FOXP1: variants seen among roughly 807,000 people sequenced by gnomAD.
FOXP1 encodes the protein forkhead box protein P1.
Under a neutral mutation model 98.2 loss-of-function variants are expected in FOXP1, and 15 were observed. The observed-to-expected ratio is 0.15, with a 90% confidence interval of 0.10 to 0.24. The LOEUF (loss-of-function observed/expected upper bound fraction) is 0.24, where lower values mean the gene tolerates loss of function less well. FOXP1 is among the 10% of genes least tolerant of loss of function. The pLI, the probability that FOXP1 is intolerant of heterozygous loss-of-function variation, is 1.00. For synonymous variants in FOXP1, 371 were observed against 314.5 expected, an observed-to-expected ratio of 1.18 and a Z score of -1.90; for missense variants, 633 against 848.5, an observed-to-expected ratio of 0.75 and a Z score of 3.15.
chr3:71,192,670 G>T (rs964021757), intron 6 of FOXP1, among the ~76,000 whole-genome samples: 12 of 152,178 alleles, frequency 7.9e-5, no homozygotes, highest in African/African-American at 2.4e-4. Flanking sequence ...CTTGAAACAG[G>T]GTCTCAATCT....
chr3:71,251,324 G>C (rs1466259809), intron 5 of FOXP1, among the ~76,000 whole-genome samples: 1 of 152,134 alleles, frequency 6.6e-6, no homozygotes, highest in East Asian at 1.9e-4. Context: ...AAGCAGTCAC[G>C]TGCCTCCATC....
At position 71,397,101 on chromosome 3, in the gene FOXP1, C is replaced by T. The variant is rs199615138; in HGVS notation, c.-167-37857G>A. Among the ~76,000 whole-genome samples, 70 of 48,638 alleles carry T rather than the reference C, an allele frequency of 1.4e-3. 2 individuals are homozygous for T. The highest frequency in any genetic ancestry group is 3.4e-3 in the African/African-American group (40 of 11,916). 31.9% of individuals were successfully genotyped at this position (48,638 alleles called of 152,430 possible). On this transcript the variant is annotated intron_variant, in intron 3 of 20. Coordinates refer to ENST00000649528, the MANE Select transcript of FOXP1 (RefSeq NM_001349338.3). ...ATATATATGTGTATATATATATATA[C>T]ATATATATATATGTGTATATATACA...
At chr3:71,063,181 AT>A (rs1371607794) in intron 7 of FOXP1, among the ~76,000 whole-genome samples, 4 of 152,200 alleles carry the variant, frequency 2.6e-5, no homozygotes, top group African/African-American at 9.6e-5. Flanking sequence ...TTTTGGTTTC[AT>A]TTTTACACAC....
chr3:71,098,046 G>T (rs2056626662), intron 7 of FOXP1, among the ~76,000 whole-genome samples: 1 of 152,124 alleles, frequency 6.6e-6, no homozygotes, highest in South Asian at 2.1e-4. Context: ...TTTGTGCAAA[G>T]GACAATTTGA....
At chr3:71,282,131 G>A (rs141315734) in intron 5 of FOXP1, among the ~76,000 whole-genome samples, 14 of 152,094 alleles carry the variant, frequency 9.2e-5, no homozygotes, top group African/African-American at 3.1e-4. Flanking sequence ...AAAGCTAAGT[G>A]AAGATAAGCC....
intron 2 of FOXP1, among the ~76,000 whole-genome samples, chr3:71,517,808 G>A (rs966822344): frequency 5.6e-4 from 86 of 152,240 alleles, no homozygotes; most frequent in Middle Eastern, 6.8e-3. Context: ...AAACAAACTC[G>A]CTGGACTACT....
chr3:71,542,350 A>C (rs2044912846), intron 2 of FOXP1, among the ~76,000 whole-genome samples: 1 of 152,278 alleles, frequency 6.6e-6, no homozygotes, highest in Non-Finnish European at 1.5e-5. Flanking sequence ...AACAAGAAAC[A>C]AACCACAATA....
chr3:71,294,969 A>G (rs2073138387), intron 5 of FOXP1, among the ~76,000 whole-genome samples: 1 of 152,228 alleles, frequency 6.6e-6, no homozygotes, highest in Non-Finnish European at 1.5e-5. Flanking sequence ...CAGACAAGCT[A>G]CATTGGTCTG....
Position 71,076,723 on chromosome 3 carries a change from T to G in FOXP1, c.283-22950A>C, listed in dbSNP as rs2053843582. On this transcript the variant is annotated intron_variant, in intron 7 of 20. Transcript: ENST00000649528. Reference sequence around the variant, plus strand: ...ATTTACTTATCTCTTCCTCTTCTCCTTCTTCCTGTTTTGAGCATGGTCTCT... The same window carrying G: ...ATTTACTTATCTCTTCCTCTTCTCCGTCTTCCTGTTTTGAGCATGGTCTCT... Among the ~76,000 whole-genome samples, 2 of 152,258 alleles carry G rather than the reference T, an allele frequency of 1.3e-5. 1 individual carries two copies. Among genetic ancestry groups the G allele is most frequent in the Admixed American group, 1.3e-4 (2 of 15,286 alleles).
At chr3:71,200,891 A>G (rs2063632156) in intron 5 of FOXP1, among the ~76,000 whole-genome samples, 1 of 152,196 alleles carries the variant, frequency 6.6e-6, no homozygotes, top group South Asian at 2.1e-4. Context: ...AGAAAAATTC[A>G]CATGTTTCTT....
chr3:71,392,664 CT>C (rs1299331061), intron 3 of FOXP1, among the ~76,000 whole-genome samples: 2 of 152,200 alleles, frequency 1.3e-5, no homozygotes, highest in Non-Finnish European at 2.9e-5. Context: ...TCATGGGCAT[CT>C]ATATCGTGCT....
intron 4 of FOXP1, among the ~76,000 whole-genome samples, chr3:71,316,401 C>G (rs1389889688): frequency 1.3e-5 from 2 of 152,128 alleles, no homozygotes; most frequent in Non-Finnish European, 2.9e-5. Flanking sequence ...GTGAACTATT[C>G]TAACCATCAC....
intron 2 of FOXP1, among the ~76,000 whole-genome samples, chr3:71,544,406 A>G (rs1163858272): frequency 1.3e-5 from 2 of 151,564 alleles, no homozygotes; most frequent in Admixed American, 6.6e-5. Context: ...AATTTGGAAC[A>G]AAAAAAAGGA....
At chr3:71,136,859 C>T (rs11714789) in intron 6 of FOXP1, among the ~76,000 whole-genome samples, 146,063 of 152,218 alleles carry the variant, frequency 0.96, 70,215 homozygotes, top group Non-Finnish European at 0.99. Flanking sequence ...TATATATGTA[C>T]ATGGCTATCT....
chr3:71,425,887 G>C (rs1056575525), intron 3 of FOXP1, among the ~76,000 whole-genome samples: 3 of 152,018 alleles, frequency 2.0e-5, no homozygotes, highest in Admixed American at 2.0e-4. Context: ...AAATTTCCAG[G>C]ATCCCAACCA....
At chr3:71,436,412 T>C (rs1247781111) in intron 3 of FOXP1, among the ~76,000 whole-genome samples, 2 of 151,934 alleles carry the variant, frequency 1.3e-5, no homozygotes, top group African/African-American at 2.4e-5. Flanking sequence ...GTCTGAGGAG[T>C]GTGGGGAATG....
chr3:71,166,125 C>G (rs967100599), intron 6 of FOXP1, among the ~76,000 whole-genome samples: 15 of 152,292 alleles, frequency 9.8e-5, no homozygotes, highest in Admixed American at 5.2e-4. Flanking sequence ...CAATACTTAG[C>G]GCCTCCTTGG....
chr3:71,150,153 A>G (rs2060498545), intron 6 of FOXP1, among the ~76,000 whole-genome samples: 1 of 152,172 alleles, frequency 6.6e-6, no homozygotes. Flanking sequence ...TCCCCACCCA[A>G]TTTCCAAAGG....
intron 3 of FOXP1, among the ~76,000 whole-genome samples, chr3:71,409,522 A>G (rs2082575744): frequency 6.6e-6 from 1 of 152,158 alleles, no homozygotes; most frequent in South Asian, 2.1e-4. Context: ...CTATGGAGAC[A>G]CAACTGCACT....
Sources: gnomAD v4.1 joint callset for allele counts (sites outside exome capture counted in the v4.1 genomes callset) on GRCh38, gnomAD v4.1.1 for gene constraint, MANE v1.5 for transcripts, NCBI Gene and HGNC (gene_info 2026-07-23, HGNC 2026-07-21) for gene names.